Variants in PLCD3 observed in about 807,000 individuals in gnomAD.
PLCD3 encodes the protein phospholipase C delta 3.
A neutral mutation model predicts 82.8 loss-of-function variants in PLCD3; 62 were observed. The observed-to-expected ratio is 0.75, with a 90% CI of 0.61 to 0.93. The LOEUF (loss-of-function observed/expected upper bound fraction) is 0.93. Among genes scored for constraint, PLCD3 ranks in the 40% least tolerant of loss-of-function variants. The pLI is 0.00. For synonymous variants in PLCD3, 478 were observed against 471.8 expected (o/e 1.01, Z -0.17); for missense variants, 1,023 against 1,103.4 (o/e 0.93, Z 1.03).
chr17:45,123,964 C>CTCCT (rs1555610231), intron 1 of PLCD3, among the ~76,000 whole-genome samples: 4 of 145,136 alleles, frequency 2.8e-5, no homozygotes, highest in Admixed American at 6.8e-5. Context: ...AGACCCCCCC[C>CTCCT]CCAACCAGGT....
Position 45,132,490 on chromosome 17 carries a change from G to T in PLCD3, c.-80C>A. On this transcript the variant is annotated 5_prime_UTR_variant, in exon 1 of 15. Transcript: ENST00000619929. This position sits in a 1 kb window ranked among gnomAD's most constrained non-coding sequence, Gnocchi z 4.6. Reference sequence around the variant, plus strand: ...CGGGGCGCCGCTCTGGCCCGGCCCCGGCTCTGAGCGAGGCGGCGAGCGAAG... The same window carrying T: ...CGGGGCGCCGCTCTGGCCCGGCCCCTGCTCTGAGCGAGGCGGCGAGCGAAG... 1.1e-6 allele frequency: 1 copy of T among 938,568 alleles called. No homozygotes were observed. Among genetic ancestry groups the T allele is most frequent in the Non-Finnish European group, 1.3e-6 (1 of 744,448 alleles). The allele number at this position is 938,568 out of a possible 1,614,324, so 58.1% of individuals were successfully genotyped here.
intron 3 of PLCD3, 132 bp from the exon 4 acceptor site, chr17:45,120,586 C>T: frequency 1.6e-6 from 2 of 1,212,398 alleles, no homozygotes; most frequent in East Asian, 5.0e-5. Context: ...TTGGCCTGTG[C>T]ACTCCCCGAG....
chr17:45,131,174 C>T (rs1249914737), intron 1 of PLCD3, among the ~76,000 whole-genome samples: 1 of 152,196 alleles, frequency 6.6e-6, no homozygotes, highest in African/African-American at 2.4e-5. Context: ...CAGACATAGT[C>T]AGCGCTCAGG....
intron 1 of PLCD3, among the ~76,000 whole-genome samples, chr17:45,125,011 T>G (rs7214439): frequency 6.6e-6 from 1 of 150,494 alleles, no homozygotes; most frequent in Non-Finnish European, 1.5e-5. Flanking sequence ...ACCAATATGG[T>G]GAAACCCTGT....
At position 45,114,481 on chromosome 17, in the gene PLCD3, C is replaced by T. The variant is rs906124930; in HGVS notation, c.1712-115G>A. 2.4e-5 allele frequency: 18 copies of T among 737,086 alleles called. No individual in the cohort carries two copies. In the Admixed American group the frequency reaches 4.7e-4, roughly 19 times the overall value. The allele number at this position is 737,086 out of a possible 1,614,324, so 45.7% of individuals were successfully genotyped here. A position where few individuals can be genotyped will look rare whatever the true frequency, so the allele number is the denominator to read the frequency against. On this transcript the variant is annotated intron_variant, in intron 10 of 14. Coordinates refer to ENST00000619929, the MANE Select transcript of PLCD3 (RefSeq NM_133373.5). Reference sequence around the variant, plus strand: ...GCCCGTCCCCAGGTCACCCTGCCCCCGCTCCTCACTCTCTTCTGACCTAGA... The same window carrying T: ...GCCCGTCCCCAGGTCACCCTGCCCCTGCTCCTCACTCTCTTCTGACCTAGA...
At chr17:45,128,258 G>A (rs117232481) in intron 1 of PLCD3, among the ~76,000 whole-genome samples, 2,103 of 152,336 alleles carry the variant, frequency 0.014, 32 homozygotes, top group East Asian at 0.019. Context: ...GTGGGACACA[G>A]CAAGTGGGGG....
intron 1 of PLCD3, among the ~76,000 whole-genome samples, chr17:45,123,163 G>A (rs2054354326): frequency 6.6e-6 from 1 of 152,082 alleles, no homozygotes; most frequent in Admixed American, 6.6e-5. Flanking sequence ...AAGGAATTGA[G>A]TCTATATCTC....
chr17:45,131,983 C>A (rs1032653623), intron 1 of PLCD3, among the ~76,000 whole-genome samples: 1 of 152,224 alleles, frequency 6.6e-6, no homozygotes, highest in Non-Finnish European at 1.5e-5. Context: ...CCCACCAGCG[C>A]CCCGTGCCCG....
At position 45,118,957 on chromosome 17, in the gene PLCD3, C is replaced by CGG. The variant is rs2054315057; in HGVS notation, c.770_771insCC (p.Glu257AspfsTer15). On this transcript the variant is annotated frameshift_variant, in exon 5 of 15. Transcript: ENST00000619929. LOFTEE classifies it high-confidence loss of function. This position sits in a 1 kb window ranked among gnomAD's most constrained non-coding sequence, Gnocchi z 4.1. ...CGCCCGAGTACTGATGGAAGATCTC[C>CGG]TCCAGCTCCGGCCGCTTCAGCAGCC... 1 of 1,612,318 alleles carries CGG rather than the reference C, an allele frequency of 6.2e-7. No individual in the cohort carries two copies. The highest frequency in any genetic ancestry group is 1.3e-5 in the African/African-American group (1 of 74,944).
intron 1 of PLCD3, among the ~76,000 whole-genome samples, chr17:45,125,490 G>A (rs758327292): frequency 6.6e-6 from 1 of 152,252 alleles, no homozygotes; most frequent in African/African-American, 2.4e-5. Context: ...TCAGCTACTA[G>A]GGAGGCTAAG....
Position 45,116,638 on chromosome 17 carries a change from G to A in PLCD3, c.1407C>T (p.Ser469=). Residue 469 remains serine (S), a synonymous_variant, in exon 8 of 15, where the codon TCC becomes TCT. Transcript: ENST00000619929. ...AGGGGCTGGGGGGCGTCACCTCTGG[G>A]GATGGCAGCTCCTCGGGATTTGGGG... is the stretch of plus-strand genomic sequence containing the variant. ...LDSPNPEELP[S]PEQLKGRVLV... 6.3e-7 allele frequency: 1 copy of A among 1,592,204 alleles called. No homozygotes were observed. Among genetic ancestry groups the A allele is most frequent in the Non-Finnish European group, 8.6e-7 (1 of 1,167,624 alleles).
rs1446183099 is a variant in PLCD3 at position 45,118,945 on chromosome 17, A to T, written c.783T>A (p.His261Gln). 1 of 1,612,796 alleles carries T rather than the reference A, an allele frequency of 6.2e-7. No individual in the cohort carries two copies. The highest frequency in any genetic ancestry group is 1.1e-5 in the South Asian group (1 of 90,956). The change falls in exon 5 of 15, where the codon CAT (histidine) becomes CAA (glutamine). Residue 261 changes from histidine to glutamine, a missense_variant. Transcript: ENST00000619929. This position sits in a 1 kb window ranked among gnomAD's most constrained non-coding sequence, Gnocchi z 4.1. ...GCACGCGGTCCTCGCCCGAGTACTG[A>T]TGGAAGATCTCCTCCAGCTCCGGCC... Reference protein sequence around the residue: ...LKRPELEEIFHQYSGEDRVLS... With the variant: ...LKRPELEEIFQQYSGEDRVLS...
In PLCD3 at chr17:45,120,429, C is replaced by G; in HGVS notation, c.580G>C (p.Ala194Pro). ...DHWIHSYLHR[A>P]DSNQDSKMSF... Reference sequence around the variant, plus strand: ...ATCTTGCTGTCCTGGTTGGAGTCAGCCCGGTGCAGATAGGAGTGGATCCAG... The same window carrying G: ...ATCTTGCTGTCCTGGTTGGAGTCAGGCCGGTGCAGATAGGAGTGGATCCAG... Residue 194 changes from alanine to proline, a missense_variant, in exon 4 of 15, where the codon GCT becomes CCT. Around this residue, in one of 3 missense-constraint regions of PLCD3, gnomAD observed 448 missense variants for 406.3 expected, o/e 1.10. Transcript: ENST00000619929. 6.2e-7 allele frequency: 1 copy of G among 1,613,988 alleles called. No homozygotes were observed. Among genetic ancestry groups the G allele is most frequent in the East Asian group, 2.2e-5 (1 of 44,876 alleles).
In PLCD3 at chr17:45,118,843, G is replaced by A. The variant is rs2054313365; in HGVS notation, c.885C>T (p.Leu295=). 1.2e-6 allele frequency: 2 copies of A among 1,611,090 alleles called. No individual in the cohort carries two copies. Among genetic ancestry groups the A allele is most frequent in the Admixed American group, 1.7e-5 (1 of 59,968 alleles). Residue 295 remains leucine (L), a synonymous_variant, in exon 5 of 15, where the codon CTC becomes CTT. Coordinates refer to ENST00000619929, the MANE Select transcript of PLCD3 (RefSeq NM_133373.5). The surrounding 1 kb of genome is among the most constrained non-coding windows in gnomAD (Gnocchi z 4.1). Reference sequence around the variant, plus strand: ...TCTCGTTGAGCTCATAGGTCTGAATGAGCTGCTGGGCGCGGGCCAGTGTGG... The same window carrying A: ...TCTCGTTGAGCTCATAGGTCTGAATAAGCTGCTGGGCGCGGGCCAGTGTGG... ...EGATLARAQQ[L]IQTYELNETA... is the part of the protein sequence containing the mutation.
intron 1 of PLCD3, among the ~76,000 whole-genome samples, chr17:45,128,802 C>T (rs948686896): frequency 2.0e-5 from 3 of 152,214 alleles, no homozygotes; most frequent in East Asian, 1.9e-4. Context: ...CCGCATTTAG[C>T]GGAATTCCAA....
intron 1 of PLCD3, among the ~76,000 whole-genome samples, chr17:45,125,388 C>T (rs1299398730): frequency 6.6e-6 from 1 of 152,104 alleles, no homozygotes; most frequent in Non-Finnish European, 1.5e-5. Flanking sequence ...CATTTGAGGT[C>T]AGGAGTTCGA....
Position 45,115,082 on chromosome 17 carries a change from C to T in PLCD3, c.1711+12G>A. 6.3e-7 allele frequency: 1 copy of T among 1,590,380 alleles called. No homozygotes were observed. Among genetic ancestry groups the T allele is most frequent in the Admixed American group, 1.7e-5 (1 of 57,428 alleles). On this transcript the variant is annotated intron_variant, in intron 10 of 14. Transcript: ENST00000619929. ...CCTCTCGCCCCCAGACACCCAGTGCCCCAGCTCCTACCTGCCTCCCGAATG... is the reference window on the plus strand; with the variant it reads ...CCTCTCGCCCCCAGACACCCAGTGCTCCAGCTCCTACCTGCCTCCCGAATG...
At chr17:45,123,668 T>C (rs1181074737) in intron 1 of PLCD3, among the ~76,000 whole-genome samples, 1 of 152,100 alleles carries the variant, frequency 6.6e-6, no homozygotes, top group Non-Finnish European at 1.5e-5. Context: ...ACCCAGCTGG[T>C]GTGGGATGGG....
At position 45,118,163 on chromosome 17, in the gene PLCD3, G is replaced by A. The variant is rs781098216; in HGVS notation, c.1116-25C>T. 3.0e-5 allele frequency: 49 copies of A among 1,613,682 alleles called. No homozygotes were observed. The highest frequency in any genetic ancestry group is 4.5e-5 in the East Asian group (2 of 44,892). On this transcript the variant is annotated intron_variant, in intron 6 of 14. Coordinates refer to ENST00000619929, the MANE Select transcript of PLCD3 (RefSeq NM_133373.5). This position sits in a 1 kb window ranked among gnomAD's most constrained non-coding sequence, Gnocchi z 4.1. ...CCTGTGTGTGGACAGATGGGTGGAC[G>A]GGCAAGGTGTTGCCAGAGTGCCACA...
Sources: allele counts gnomAD v4.1 joint callset (sites outside exome capture counted in the v4.1 genomes callset), GRCh38; gene constraint gnomAD v4.1.1; regional missense constraint gnomAD v4.1.1; non-coding constraint Gnocchi (gnomAD v3.1); transcripts MANE v1.5; gene names NCBI Gene and HGNC (gene_info 2026-07-23, HGNC 2026-07-21).